The following DLGAP1 variants were observed in gnomAD, a reference collection of about 807,000 sequenced individuals.
DLGAP1 encodes disks large-associated protein 1.
In DLGAP1, 11 loss-of-function variants were observed where a neutral mutation model predicts 90.8. That is an observed-to-expected ratio of 0.12 (90% confidence interval 0.08 to 0.20). The LOEUF is 0.20. DLGAP1 is among the 10% of genes least tolerant of loss of function. The probability of loss-of-function intolerance (pLI) is 1.00; values close to 1 mark genes in which losing one functional copy is unlikely to be tolerated. For synonymous variants in DLGAP1, 558 were observed against 540.7 expected (o/e 1.03, Z -0.44); for missense variants, 1,050 against 1,333.8 (o/e 0.79, Z 3.31).
At chr18:4,173,932 T>C (rs2077063876) in intron 1 of DLGAP1, among the ~76,000 whole-genome samples, 1 of 152,188 alleles carries the variant, frequency 6.6e-6, no homozygotes, top group African/African-American at 2.4e-5. Context: ...CCAGTTCCTT[T>C]ATCCTCAGAG....
chr18:3,728,276 G>A (rs1356509556), intron 7 of DLGAP1, among the ~76,000 whole-genome samples: 1 of 146,730 alleles, frequency 6.8e-6, no homozygotes, highest in African/African-American at 2.5e-5. Flanking sequence ...TAGACAGTGG[G>A]ATTTTCTTTT....
At chr18:4,217,826 A>G (rs2077989657) in intron 1 of DLGAP1, among the ~76,000 whole-genome samples, 1 of 152,068 alleles carries the variant, frequency 6.6e-6, no homozygotes, top group South Asian at 2.1e-4. Context: ...TATTATCTTT[A>G]TTGTGTCTTT....
intron 3 of DLGAP1, among the ~76,000 whole-genome samples, chr18:3,956,524 A>G (rs2073088801): frequency 6.6e-6 from 1 of 151,856 alleles, no homozygotes; most frequent in Non-Finnish European, 1.5e-5. Flanking sequence ...AACTTTTTGT[A>G]TTTTTAGTAG....
At chr18:3,551,738 T>TCCTTCCTC (rs1568180675) in intron 9 of DLGAP1, among the ~76,000 whole-genome samples, 34 of 58,536 alleles carry the variant, frequency 5.8e-4, no homozygotes, top group African/African-American at 2.3e-3. Flanking sequence ...CTTCCTTCCT[T>TCCTTCCTC]CCTTCCTTCC....
intron 10 of DLGAP1, among the ~76,000 whole-genome samples, chr18:3,528,188 T>A (rs1460649580): frequency 2.0e-5 from 3 of 152,158 alleles, no homozygotes; most frequent in East Asian, 1.9e-4. Flanking sequence ...GTCTGAAACA[T>A]CCCTTGGCTT....
chr18:4,010,662 T>G (rs2074400289), intron 2 of DLGAP1, among the ~76,000 whole-genome samples: 1 of 152,184 alleles, frequency 6.6e-6, no homozygotes, highest in African/African-American at 2.4e-5. Flanking sequence ...TGCTTTCAAC[T>G]TTATTTATCA....
chr18:4,120,451 G>A (rs2076134106), intron 2 of DLGAP1, among the ~76,000 whole-genome samples: 1 of 152,174 alleles, frequency 6.6e-6, no homozygotes, highest in African/African-American at 2.4e-5. Context: ...CATAACCATT[G>A]TCCACAGTTT....
intron 7 of DLGAP1, among the ~76,000 whole-genome samples, chr18:3,703,797 T>G (rs2061353144): frequency 6.6e-6 from 1 of 152,212 alleles, no homozygotes; most frequent in South Asian, 2.1e-4. Context: ...TGACATGCAT[T>G]CTTTCCCCTA....
At chr18:3,718,236 G>A (rs1039551832) in intron 7 of DLGAP1, among the ~76,000 whole-genome samples, 4 of 151,938 alleles carry the variant, frequency 2.6e-5, no homozygotes, top group Admixed American at 6.6e-5. Context: ...TGAGGTGGGC[G>A]GATCACGAGG....
intron 2 of DLGAP1, among the ~76,000 whole-genome samples, chr18:4,145,794 G>T (rs2076576415): frequency 6.6e-6 from 1 of 152,098 alleles, no homozygotes; most frequent in South Asian, 2.1e-4. Flanking sequence ...ATTTATTCAG[G>T]TTAAACTTTT....
In DLGAP1 at chr18:4,357,354, A is replaced by G. The variant is rs551729097; in HGVS notation, c.-267+97652T>C. ...TTTTTAGTAGAGATGGGGTTTCACC[A>G]TTTTAATTAGGCTGGTCTCTAACTC... On this transcript the variant is annotated intron_variant, in intron 1 of 12. Coordinates refer to ENST00000315677, the MANE Select transcript of DLGAP1 (RefSeq NM_004746.4). Among the ~76,000 whole-genome samples, 8 of 151,906 alleles carry G rather than the reference A, an allele frequency of 5.3e-5. No individual in the cohort carries two copies. In the East Asian group the frequency reaches 1.6e-3, roughly 30 times the overall value.
intron 2 of DLGAP1, among the ~76,000 whole-genome samples, chr18:4,079,593 T>A (rs1033474020): frequency 3.3e-5 from 5 of 152,012 alleles, no homozygotes; most frequent in Non-Finnish European, 5.9e-5. Context: ...CAGCGTACAC[T>A]GCTTGGGTGA....
chr18:3,907,752 C>G (rs569040768), intron 3 of DLGAP1, among the ~76,000 whole-genome samples: 8 of 152,264 alleles, frequency 5.3e-5, no homozygotes, highest in Non-Finnish European at 7.4e-5. Flanking sequence ...ATAGAAGACT[C>G]GAAGGCCAGG....
Position 4,334,235 on chromosome 18 carries a change from T to TCAAA in DLGAP1, c.-267+120767_-267+120770dup, listed in dbSNP as rs574085986. On this transcript the variant is annotated intron_variant, in intron 1 of 12. Coordinates refer to ENST00000315677, the MANE Select transcript of DLGAP1 (RefSeq NM_004746.4). Reference sequence around the variant, plus strand: ...CCCGGGCAACAAGATTGAAACTCCATCAAACAAACAAACAAACAAACAAAA... The same window carrying TCAAA: ...CCCGGGCAACAAGATTGAAACTCCATCAAACAAACAAACAAACAAACAAACAAAA... Among the ~76,000 whole-genome samples the TCAAA allele has an allele frequency of 4.1e-4, 62 of 151,654 alleles. 1 individual carries two copies. Among genetic ancestry groups the TCAAA allele is most frequent in the African/African-American group, 6.1e-4 (25 of 41,138 alleles).
rs887099873 is a variant in DLGAP1, at chr18:3,599,555, G to A, written c.1592-17307C>T. Among the ~76,000 whole-genome samples the A allele has an allele frequency of 9.2e-5, 14 of 152,336 alleles. No individual in the cohort carries two copies. In the East Asian group the frequency reaches 1.7e-3, roughly 19 times the overall value. ...CCCACCTGTGGAGGGTGGCAATGGA[G>A]TGGTGACAGGCGTGCAAGGTTTCAC... On this transcript the variant is annotated intron_variant, in intron 7 of 12. Coordinates refer to ENST00000315677, the MANE Select transcript of DLGAP1 (RefSeq NM_004746.4).
chr18:3,776,726 A>AAAAAAC, intron 5 of DLGAP1, among the ~76,000 whole-genome samples: 1 of 152,320 alleles, frequency 6.6e-6, no homozygotes, highest in East Asian at 1.9e-4. Flanking sequence ...GTTGCTATTT[A>AAAAAAC]AAAAACAAAA....
chr18:4,273,418 T>TC lies in DLGAP1; in HGVS notation c.-266-122132dup, dbSNP rs111229013. Among the ~76,000 whole-genome samples, 8 of 152,282 alleles carry TC rather than the reference T, an allele frequency of 5.3e-5. 1 individual carries two copies. The highest frequency in any genetic ancestry group is 2.0e-4 in the Admixed American group (3 of 15,294). ...CACCACCAGGTATTACTGATGATGT[T>TC]CCATGGCACAGCATTACAACCATTC... On this transcript the variant is annotated intron_variant, in intron 1 of 12. Coordinates refer to ENST00000315677, the MANE Select transcript of DLGAP1 (RefSeq NM_004746.4).
intron 2 of DLGAP1, among the ~76,000 whole-genome samples, chr18:4,064,580 C>T (rs1187156615): frequency 6.6e-6 from 1 of 151,918 alleles, no homozygotes; most frequent in Non-Finnish European, 1.5e-5. Context: ...ATGCACATAA[C>T]TTAGAAAATC....
At chr18:3,573,015 A>G (rs187227924) in intron 8 of DLGAP1, among the ~76,000 whole-genome samples, 31 of 152,242 alleles carry the variant, frequency 2.0e-4, no homozygotes, top group South Asian at 4.1e-4. Context: ...TGAAGACCCA[A>G]TCATCATGCT....
Sources: allele counts gnomAD v4.1 joint callset (sites outside exome capture counted in the v4.1 genomes callset), GRCh38; gene constraint gnomAD v4.1.1; transcripts MANE v1.5; gene names NCBI Gene and HGNC (gene_info 2026-07-23, HGNC 2026-07-21).